IFNGR2: variants seen among roughly 807,000 people sequenced by gnomAD.
The protein encoded by IFNGR2 is IFN-gamma receptor 2.
IFNGR2 carries 15 observed loss-of-function variants against 41.1 expected under a neutral mutation model. That is an observed-to-expected ratio of 0.37 (90% CI 0.24 to 0.56). IFNGR2 has a LOEUF of 0.56. Among genes scored for constraint, IFNGR2 ranks in the 20% least tolerant of loss-of-function variants. The probability of loss-of-function intolerance (pLI) is 0.81; values close to 1 mark genes in which losing one functional copy is unlikely to be tolerated. For synonymous variants in IFNGR2, 161 were observed against 171.6 expected, an observed-to-expected ratio of 0.94 and a Z score of 0.48; for missense variants, 362 against 415.7, an observed-to-expected ratio of 0.87 and a Z score of 1.12.
chr21:33,428,448 G>T lies in IFNGR2; in HGVS notation c.561+1416G>T, dbSNP rs544456183. Among the ~76,000 whole-genome samples the T allele has an allele frequency of 1.1e-4, 17 of 151,388 alleles. No homozygotes were observed. In the East Asian group the frequency reaches 2.9e-3, roughly 26 times the overall value. On this transcript the variant is annotated intron_variant, in intron 4 of 6. Transcript: ENST00000290219. The stretch of plus-strand genomic sequence containing the variant: ...TTGCCATGTTGCCCAGGCTGGTCTC[G>T]AACTCCTGGTCTCAAGCGATCTGCC...
chr21:33,403,703 G>T, intron 1 of IFNGR2, 87 bp downstream of exon 1: 1 of 909,848 alleles, frequency 1.1e-6, no homozygotes, highest in Non-Finnish European at 1.4e-6. Flanking sequence ...TGGGGTGGGG[G>T]GAATCTGCCG....
intron 2 of IFNGR2, among the ~76,000 whole-genome samples, chr21:33,421,150 G>C (rs2083788450): frequency 1.3e-5 from 2 of 152,070 alleles, no homozygotes; most frequent in Non-Finnish European, 2.9e-5. Flanking sequence ...TGGCCAACAT[G>C]GTGACACCCC....
intron 6 of IFNGR2, among the ~76,000 whole-genome samples, chr21:33,434,528 A>C (rs1242684203): frequency 1.3e-5 from 2 of 152,060 alleles, no homozygotes; most frequent in African/African-American, 4.8e-5. Flanking sequence ...TCTCAAAAAA[A>C]TAAAATAAAT....
At chr21:33,428,392 T>C (rs2083858435) in intron 4 of IFNGR2, among the ~76,000 whole-genome samples, 2 of 151,750 alleles carry the variant, frequency 1.3e-5, no homozygotes, top group Non-Finnish European at 2.9e-5. Context: ...CTGGCTAATA[T>C]TTTTAAATTT....
chr21:33,421,399 C>A, intron 2 of IFNGR2, 81 bp from the exon 3 acceptor site: 1 of 1,040,498 alleles, frequency 9.6e-7, no homozygotes, highest in Non-Finnish European at 1.5e-6. Context: ...AATAAACCTG[C>A]GTTTTGAACA....
intron 3 of IFNGR2, among the ~76,000 whole-genome samples, chr21:33,422,877 C>CAAAAAAAAA: frequency 2.9e-5 from 1 of 34,946 alleles, no homozygotes; most frequent in Non-Finnish European, 4.5e-5. Context: ...AACTCCATCT[C>CAAAAAAAAA]AAAAAAAAAA....
Position 33,436,987 on chromosome 21 carries a change from G to C in IFNGR2, c.*25G>C. ...AACCAAAGCATGGGCCTAGCCCACT[G>C]GCTCCCTGGAAGAGATCAAGCCATC... On this transcript the variant is annotated 3_prime_UTR_variant, in exon 7 of 7. Coordinates refer to ENST00000290219, the MANE Select transcript of IFNGR2 (RefSeq NM_005534.4). 1 of 1,613,104 alleles carries C rather than the reference G, an allele frequency of 6.2e-7. No individual in the cohort carries two copies. Among genetic ancestry groups the C allele is most frequent in the Non-Finnish European group, 8.5e-7 (1 of 1,179,252 alleles).
chr21:33,408,437 C>G (rs2123329861), intron 1 of IFNGR2, among the ~76,000 whole-genome samples: 2 of 152,264 alleles, frequency 1.3e-5, no homozygotes, highest in South Asian at 4.1e-4. Context: ...CTTAAGTGAT[C>G]TGCCTGCCTC....
intron 2 of IFNGR2, among the ~76,000 whole-genome samples, chr21:33,418,722 T>C (rs184709503): frequency 6.6e-6 from 1 of 152,336 alleles, no homozygotes; most frequent in Non-Finnish European, 1.5e-5. Flanking sequence ...CTGCAGGCTA[T>C]TTGGCTCCCA....
chr21:33,414,751 C>A (rs2083742033), intron 1 of IFNGR2, 137 bp from the exon 2 acceptor site: 2 of 1,042,860 alleles, frequency 1.9e-6, no homozygotes, highest in Non-Finnish European at 2.9e-6. Context: ...CCAGGGGGAC[C>A]TGGTAATGCC....
rs184664014 is a variant in IFNGR2, at chr21:33,427,038, A to C, written c.561+6A>C. ...AAAAAGGAGGAATCCAACAGGCAAG[A>C]GCATCTTTCTTTTTTGTTTGGATTT... On this transcript the variant is annotated splice_donor_region_variant and intron_variant, in intron 4 of 6. Coordinates refer to ENST00000290219, the MANE Select transcript of IFNGR2 (RefSeq NM_005534.4). The C allele has an allele frequency of 5.5e-5, 89 of 1,609,366 alleles. No homozygotes were observed. In the East Asian group the frequency reaches 1.9e-3, roughly 35 times the overall value.
Position 33,432,775 on chromosome 21 carries a change from G to A in IFNGR2, c.783G>A (p.Val261=), listed in dbSNP as rs1240789973. Reference sequence around the variant, plus strand: ...TGGGAACATTTTCGTTGCTGTCGGTGCTGGCAGGAGCCTGTTTCTTCCTGG... The same window carrying A: ...TGGGAACATTTTCGTTGCTGTCGGTACTGGCAGGAGCCTGTTTCTTCCTGG... ...ISVGTFSLLS[V]LAGACFFLVL... Residue 261 remains valine, a synonymous_variant, in exon 6 of 7, where the codon GTG becomes GTA. Transcript: ENST00000290219. The A allele has an allele frequency of 1.9e-6, 3 of 1,613,944 alleles. No individual in the cohort carries two copies. In the African/African-American group the frequency reaches 4.0e-5, roughly 22 times the overall value.
At chr21:33,427,844 C>CTTTT (rs71194844) in intron 4 of IFNGR2, among the ~76,000 whole-genome samples, 181 of 125,380 alleles carry the variant, frequency 1.4e-3, no homozygotes, top group Non-Finnish European at 2.0e-3. Context: ...CTCATTTCAT[C>CTTTT]TTTTTTTTTT....
intron 2 of IFNGR2, among the ~76,000 whole-genome samples, chr21:33,420,715 A>G (rs2083785545): frequency 6.6e-6 from 1 of 152,170 alleles, no homozygotes; most frequent in Non-Finnish European, 1.5e-5. Flanking sequence ...ATAGATAACG[A>G]ACTCTTACAA....
rs913698048 is a variant in IFNGR2, at chr21:33,427,702, G to A, written c.561+670G>A. Among the ~76,000 whole-genome samples, 5 of 152,202 alleles carry A rather than the reference G, an allele frequency of 3.3e-5. No individual in the cohort carries two copies. In the East Asian group the frequency reaches 7.7e-4, roughly 23 times the overall value. On this transcript the variant is annotated intron_variant, in intron 4 of 6. Coordinates refer to ENST00000290219, the MANE Select transcript of IFNGR2 (RefSeq NM_005534.4). The stretch of plus-strand genomic sequence containing the variant: ...CTAAATTATCCTAGCTGCATTTAAG[G>A]AGGTTCTGTTATCTATGGGAACTTC...
chr21:33,429,509 AG>A (rs2083867568), intron 4 of IFNGR2, among the ~76,000 whole-genome samples: 1 of 152,136 alleles, frequency 6.6e-6, no homozygotes, highest in Non-Finnish European at 1.5e-5. Context: ...AAATCGGCAA[AG>A]GGAAGAGGCA....
rs569258762 is a variant in IFNGR2, at chr21:33,423,386, G to GT, written c.412+1710dup. Among the ~76,000 whole-genome samples the GT allele has an allele frequency of 4.0e-5, 6 of 149,636 alleles. No individual in the cohort carries two copies. In the East Asian group the frequency reaches 9.9e-4, roughly 25 times the overall value. On this transcript the variant is annotated intron_variant, in intron 3 of 6. Transcript: ENST00000290219. Reference sequence around the variant, plus strand: ...TGTTTGAAATTTTCTGTAATAAAAAGTTTTTTTTTGTTGTTGTTGTTTTTG... The same window carrying GT: ...TGTTTGAAATTTTCTGTAATAAAAAGTTTTTTTTTTGTTGTTGTTGTTTTTG...
At chr21:33,433,819 T>C (rs1239230929) in intron 6 of IFNGR2, among the ~76,000 whole-genome samples, 2 of 151,846 alleles carry the variant, frequency 1.3e-5, no homozygotes. Context: ...TGGGGTTGGC[T>C]AAAAAGGTGG....
At chr21:33,413,265 C>T (rs963343684) in intron 1 of IFNGR2, among the ~76,000 whole-genome samples, 43 of 152,296 alleles carry the variant, frequency 2.8e-4, no homozygotes, top group Admixed American at 1.4e-3. Flanking sequence ...TGCCACGCAG[C>T]TTTACCTGTC....
Sources: allele counts gnomAD v4.1 joint callset (sites outside exome capture counted in the v4.1 genomes callset), GRCh38; gene constraint gnomAD v4.1.1; transcripts MANE v1.5; gene names NCBI Gene and HGNC (gene_info 2026-07-23, HGNC 2026-07-21).